Variants in VWA8 observed in about 807,000 individuals in gnomAD.
The protein encoded by VWA8 is von Willebrand factor A domain-containing protein 8.
In VWA8, 221 loss-of-function variants were observed where a neutral mutation model predicts 241.5. That is an observed-to-expected ratio of 0.91 (90% CI 0.82 to 1.02). The LOEUF (loss-of-function observed/expected upper bound fraction) is 1.02. VWA8 is among the 50% of genes least tolerant of loss of function. VWA8 has a pLI of 0.00. For missense variants in VWA8, 2,322 were observed against 2,328.7 expected, an observed-to-expected ratio of 1.00 and a Z score of 0.06; for synonymous variants, 852 against 827.1, an observed-to-expected ratio of 1.03 and a Z score of -0.52.
intron 21 of VWA8, among the ~76,000 whole-genome samples, chr13:41,732,425 G>A (rs78353998): frequency 0.16 from 24,625 of 151,604 alleles, 2,137 homozygotes; most frequent in Non-Finnish European, 0.2. Flanking sequence ...CTGGTAATAT[G>A]TCTTGTAACC....
At chr13:41,692,021 A>G in intron 30 of VWA8, 83 bp from the exon 31 acceptor site, 2 of 879,936 alleles carry the variant, frequency 2.3e-6, no homozygotes, top group Non-Finnish European at 3.7e-6. Flanking sequence ...CCTTAAATAA[A>G]ATAAAGTTCT....
In VWA8 at chr13:41,649,356, C is replaced by T. The variant is rs1197087978; in HGVS notation, c.4611+21590G>A. Among the ~76,000 whole-genome samples the T allele has an allele frequency of 2.0e-5, 3 of 151,936 alleles. No individual in the cohort carries two copies. In the East Asian group the frequency reaches 5.8e-4, roughly 29 times the overall value. On this transcript the variant is annotated intron_variant, in intron 37 of 44. Transcript: ENST00000379310. ...TAAAGTTTTACTCTTTACAAACCTC[C>T]TAGTTTTAATAATTGTAAAATGAAC...
chr13:41,590,790 C>T (rs199694055), intron 40 of VWA8, 25 bp from the exon 41 acceptor site: 931 of 1,612,294 alleles, frequency 5.8e-4, no homozygotes, highest in Non-Finnish European at 7.4e-4. Flanking sequence ...CATACACACA[C>T]AAAGCCTTAA....
intron 43 of VWA8, among the ~76,000 whole-genome samples, chr13:41,573,489 ATAT>A (rs2044326971): frequency 9.2e-6 from 1 of 109,182 alleles, no homozygotes; most frequent in Admixed American, 1.1e-4. Context: ...AAAAAAAAAT[ATAT>A]ATATATATAT....
intron 38 of VWA8, among the ~76,000 whole-genome samples, chr13:41,613,002 T>C (rs1450710027): frequency 3.9e-5 from 6 of 152,210 alleles, no homozygotes; most frequent in African/African-American, 1.4e-4. Flanking sequence ...CTTTTACTAT[T>C]ATTATTAAAC....
chr13:41,587,548 G>A lies in VWA8; in HGVS notation c.5235C>T (p.Val1745=), dbSNP rs369360886. 3.1e-6 allele frequency: 5 copies of A among 1,614,114 alleles called. No individual in the cohort carries two copies. Among genetic ancestry groups the A allele is most frequent in the Non-Finnish European group, 4.2e-6 (5 of 1,180,016 alleles). The change falls in exon 42 of 45, where the codon GTC becomes GTT. Residue 1745 remains valine (V), a synonymous_variant. Transcript: ENST00000379310. ...LERTMEAVCM[V]MEAFENYEEK... ...CCTCATAGTTCTCGAAGGCTTCCAT[G>A]ACCATACACACAGCCTCCATTGTGC...
chr13:41,902,771 C>T (rs759960426), intron 4 of VWA8, among the ~76,000 whole-genome samples: 21 of 152,168 alleles, frequency 1.4e-4, no homozygotes, highest in Non-Finnish European at 2.9e-5. Context: ...CATCAATCAT[C>T]CTTAGTTTTA....
chr13:41,907,229 T>G (rs1875761114), intron 4 of VWA8, among the ~76,000 whole-genome samples: 1 of 152,166 alleles, frequency 6.6e-6, no homozygotes, highest in South Asian at 2.1e-4. Flanking sequence ...ACCTATAGAT[T>G]GAAAATACTT....
chr13:41,818,943 T>C (rs1259568465), intron 15 of VWA8, among the ~76,000 whole-genome samples: 1 of 152,162 alleles, frequency 6.6e-6, no homozygotes, highest in Admixed American at 6.5e-5. Context: ...ACCTGAGAAC[T>C]TGTTAGAAAT....
At position 41,732,096 on chromosome 13, in the gene VWA8, T is replaced by C; in HGVS notation, c.2486A>G (p.Tyr829Cys). ...QPSVKDGLIVYEDSPLVKAVK... is the reference protein window; with the variant it reads ...QPSVKDGLIVCEDSPLVKAVK... ...GTTACTAACCAAAGGTGAGTCTTCATATACAATAAGTCCGTCTTTAACCGA... is the reference window on the plus strand; with the variant it reads ...GTTACTAACCAAAGGTGAGTCTTCACATACAATAAGTCCGTCTTTAACCGA... Residue 829 changes from tyrosine to cysteine, a missense_variant, in exon 22 of 45, where the codon TAT (tyrosine) becomes TGT (cysteine). Physicochemically the swap from Tyr to Cys is radical, Grantham distance 194. Transcript: ENST00000379310. The C allele has an allele frequency of 6.2e-7, 1 of 1,613,284 alleles. No homozygotes were observed. The highest frequency in any genetic ancestry group is 8.5e-7 in the Non-Finnish European group (1 of 1,179,520).
intron 42 of VWA8, among the ~76,000 whole-genome samples, chr13:41,585,432 T>TG (rs75956392): frequency 0.16 from 24,975 of 152,186 alleles, 2,203 homozygotes; most frequent in South Asian, 0.27. Context: ...TCTAAAAACT[T>TG]GGGAGTATTT....
chr13:41,572,072 C>G (rs1012502479), intron 43 of VWA8, among the ~76,000 whole-genome samples: 2 of 151,792 alleles, frequency 1.3e-5, no homozygotes, highest in Non-Finnish European at 2.9e-5. Flanking sequence ...TGTCTCTGAT[C>G]GGCTGCCCCG....
intron 20 of VWA8, among the ~76,000 whole-genome samples, chr13:41,770,399 C>T (rs1849554977): frequency 6.6e-6 from 1 of 150,404 alleles, no homozygotes; most frequent in South Asian, 2.1e-4. Context: ...CGAGATCGCG[C>T]CACTGCACTA....
chr13:41,776,682 C>G (rs534857738), intron 20 of VWA8, among the ~76,000 whole-genome samples: 1 of 152,144 alleles, frequency 6.6e-6, no homozygotes, highest in East Asian at 1.9e-4. Flanking sequence ...GACATCCTTA[C>G]GTTAGCCCAA....
chr13:41,864,277 G>A (rs997174058), intron 12 of VWA8, among the ~76,000 whole-genome samples: 11 of 152,032 alleles, frequency 7.2e-5, no homozygotes, highest in African/African-American at 2.7e-4. Context: ...AAAATTAAAC[G>A]CAGAATTACC....
In VWA8 at chr13:41,787,452, G is replaced by A; in HGVS notation, c.2155C>T (p.Leu719=). Residue 719 remains leucine (L), a synonymous_variant, in exon 18 of 45, where the codon CTG becomes TTG. Coordinates refer to ENST00000379310, the MANE Select transcript of VWA8 (RefSeq NM_015058.2). The part of the protein sequence containing the change: ...INTDDNLEPE[L]KDYKCEVTSG... ...AAATACTTACATTTGTAATCCTTCA[G>A]TTCTGGCTCCAAATTGTCATCAGTA... 3 of 1,611,002 alleles carry A rather than the reference G, an allele frequency of 1.9e-6. No individual in the cohort carries two copies. Among genetic ancestry groups the A allele is most frequent in the Non-Finnish European group, 2.5e-6 (3 of 1,178,228 alleles).
intron 12 of VWA8, among the ~76,000 whole-genome samples, chr13:41,860,847 A>G (rs569219474): frequency 3.3e-5 from 5 of 152,184 alleles, no homozygotes; most frequent in Non-Finnish European, 7.3e-5. Context: ...TTCATAGCTC[A>G]AACATACAGT....
intron 24 of VWA8, 122 bp from the exon 25 acceptor site, chr13:41,721,697 A>G (rs2045393643): frequency 1.0e-6 from 1 of 993,528 alleles, no homozygotes. Context: ...AGCCCATCCA[A>G]CAATAGGATG....
intron 12 of VWA8, among the ~76,000 whole-genome samples, chr13:41,849,841 C>G (rs193255993): frequency 8.6e-5 from 13 of 151,734 alleles, no homozygotes; most frequent in African/African-American, 2.4e-4. Context: ...GAGCCAAGAT[C>G]GCGCCACTGT....
Sources: allele counts gnomAD v4.1 joint callset (sites outside exome capture counted in the v4.1 genomes callset), GRCh38; gene constraint gnomAD v4.1.1; transcripts MANE v1.5; gene names NCBI Gene and HGNC (gene_info 2026-07-23, HGNC 2026-07-21).